Variants in MTRF1 observed in about 807,000 individuals in gnomAD.
MTRF1 encodes peptide chain release factor 1, mitochondrial.
Under a neutral mutation model 62.9 loss-of-function variants are expected in MTRF1, and 51 were observed. The observed-to-expected ratio is 0.81, with a 90% CI of 0.65 to 1.02. The LOEUF is 1.02. MTRF1 is among the 50% of genes least tolerant of loss of function. The pLI is 0.00. For missense variants in MTRF1, 446 were observed against 530.0 expected, an observed-to-expected ratio of 0.84 and a Z score of 1.56; for synonymous variants, 158 against 181.9, an observed-to-expected ratio of 0.87 and a Z score of 1.06.
the MTRF1 span, chr13:41,311,253 C>T: frequency 7.6e-6 from 4 of 529,654 alleles, no homozygotes; most frequent in South Asian, 2.5e-5. Flanking sequence ...GAGGCGGACC[C>T]TGGCTGCCAT....
chr13:41,304,695 C>T, the MTRF1 span, among the ~76,000 whole-genome samples: 1 of 152,164 alleles, frequency 6.6e-6, no homozygotes, highest in African/African-American at 2.4e-5. Context: ...ATGAAGGATG[C>T]AAACTTGCTT....
At chr13:41,289,232 A>ATTTT in the MTRF1 span, among the ~76,000 whole-genome samples, 236 of 137,492 alleles carry the variant, frequency 1.7e-3, 1 homozygote, top group African/African-American at 4.8e-3. Context: ...GTGGATTTAA[A>ATTTT]TTTTTTTTTT....
the MTRF1 span, chr13:41,288,149 T>A: frequency 0.047 from 23,915 of 506,084 alleles, 816 homozygotes; most frequent in Middle Eastern, 0.067. Context: ...TCCAGATGTA[T>A]CCCATAAGCC....
At chr13:41,297,583 T>A in the MTRF1 span, among the ~76,000 whole-genome samples, 1 of 152,150 alleles carries the variant, frequency 6.6e-6, no homozygotes, top group East Asian at 1.9e-4. Context: ...ATTGCTTTTT[T>A]TTTTTTTTCT....
intron 1 of MTRF1, chr13:41,263,208 G>A (rs1343936741): frequency 6.7e-6 from 8 of 1,202,828 alleles, no homozygotes; most frequent in Non-Finnish European, 8.8e-6. Flanking sequence ...AATTTTCAAG[G>A]TCATGAATCT....
At chr13:41,307,853 G>T in the MTRF1 span, among the ~76,000 whole-genome samples, 6 of 152,158 alleles carry the variant, frequency 3.9e-5, no homozygotes, top group Admixed American at 1.3e-4. Flanking sequence ...AATACAAAAG[G>T]TATGTGTGTA....
intron 2 of MTRF1, 88 bp from the exon 3 acceptor site, chr13:41,254,708 G>A (rs546919265): frequency 6.4e-6 from 6 of 938,082 alleles, no homozygotes; most frequent in South Asian, 6.3e-5. Flanking sequence ...TGGCTACTAA[G>A]TTTTATTTCA....
intron 8 of MTRF1, among the ~76,000 whole-genome samples, chr13:41,225,852 A>G (rs2034330140): frequency 6.6e-6 from 1 of 151,566 alleles, no homozygotes; most frequent in African/African-American, 2.4e-5. Context: ...TATTAGGTTT[A>G]CTTAAAATAA....
intron 5 of MTRF1, among the ~76,000 whole-genome samples, chr13:41,241,857 G>A (rs1206330750): frequency 6.6e-6 from 1 of 152,174 alleles, no homozygotes; most frequent in East Asian, 1.9e-4. Context: ...ACCAGCTCGA[G>A]CCCTTTGGCA....
intron 1 of MTRF1, among the ~76,000 whole-genome samples, chr13:41,262,769 T>C (rs1166004770): frequency 6.6e-6 from 1 of 152,212 alleles, no homozygotes. Context: ...AAGGCCAGCC[T>C]GGGCAACACA....
chr13:41,217,602 A>T (rs1399488576), intron 9 of MTRF1, among the ~76,000 whole-genome samples: 1 of 151,620 alleles, frequency 6.6e-6, no homozygotes, highest in Non-Finnish European at 1.5e-5. Flanking sequence ...GGTTTGCTGG[A>T]TTTTCTCTTA....
intron 2 of MTRF1, 49 bp downstream of exon 2, chr13:41,260,444 T>G (rs772025276): frequency 6.6e-6 from 9 of 1,366,206 alleles, no homozygotes; most frequent in Non-Finnish European, 8.6e-6. Context: ...AGTGTGTGGT[T>G]TTTTTTTTCA....
intron 7 of MTRF1, chr13:41,229,161 C>T (rs1409955505): frequency 6.6e-6 from 1 of 152,170 alleles, no homozygotes; most frequent in Non-Finnish European, 1.5e-5. Flanking sequence ...CAAGGTAAGT[C>T]TGGCAGCACA....
the MTRF1 span, among the ~76,000 whole-genome samples, chr13:41,271,339 T>G: frequency 2.6e-5 from 4 of 152,216 alleles, no homozygotes; most frequent in Admixed American, 2.6e-4. Context: ...TTACATAAAC[T>G]CTGGCAAGTA....
the MTRF1 span, among the ~76,000 whole-genome samples, chr13:41,310,294 C>G: frequency 6.6e-6 from 1 of 152,190 alleles, no homozygotes; most frequent in Admixed American, 6.5e-5. Flanking sequence ...AAGCCTGTTT[C>G]TCCCATTATT....
chr13:41,299,893 C>G, the MTRF1 span, among the ~76,000 whole-genome samples: 2 of 152,162 alleles, frequency 1.3e-5, no homozygotes, highest in East Asian at 1.9e-4. Flanking sequence ...TAAAGAATAA[C>G]AAATGAAACT....
intron 5 of MTRF1, 24 bp downstream of exon 5, chr13:41,252,621 A>G (rs543806350): frequency 2.6e-6 from 4 of 1,555,760 alleles, no homozygotes; most frequent in African/African-American, 2.7e-5. Flanking sequence ...TATCTCCTAC[A>G]GGCAAATTCC....
intron 2 of MTRF1, among the ~76,000 whole-genome samples, chr13:41,260,033 C>G (rs1450366311): frequency 6.6e-6 from 1 of 152,166 alleles, no homozygotes. Flanking sequence ...GTCTCCCAGA[C>G]CTTGAGACCA....
chr13:41,249,619 C>CTTTTTTTTTTTTTTTTTTTTTTTTTTT (rs1166204914), intron 5 of MTRF1, among the ~76,000 whole-genome samples: 2 of 61,530 alleles, frequency 3.3e-5, no homozygotes, highest in Non-Finnish European at 5.4e-5. Flanking sequence ...ATTTTTTTTT[C>CTTTTTTTTTTTTTTTTTTTTTTTTTTT]TTTTTTTTTT....
Sources: gnomAD v4.1 joint callset for allele counts (sites outside exome capture counted in the v4.1 genomes callset) on GRCh38, gnomAD v4.1.1 for gene constraint, MANE v1.5 for transcripts, NCBI Gene and HGNC (gene_info 2026-07-23, HGNC 2026-07-21) for gene names.